Variants in GLB1 observed in about 807,000 individuals in gnomAD.
The protein encoded by GLB1 is beta-galactosidase.
Under a neutral mutation model 74.0 loss-of-function variants are expected in GLB1, and 56 were observed. That is an observed-to-expected ratio of 0.76 (90% confidence interval 0.61 to 0.94). The LOEUF is 0.94. Ranked by LOEUF, GLB1 falls within the 40% of genes least tolerant of loss-of-function variation. GLB1 has a pLI of 0.00. For synonymous variants in GLB1, 323 were observed against 323.6 expected (o/e 1.00, Z 0.02); for missense variants, 787 against 845.5 (o/e 0.93, Z 0.86).
At chr3:33,004,955 G>A (rs772068328) in intron 15 of GLB1, among the ~76,000 whole-genome samples, 3 of 152,186 alleles carry the variant, frequency 2.0e-5, no homozygotes, top group South Asian at 2.1e-4. Flanking sequence ...CCCCAAAAGT[G>A]TAAGAAGAGA....
At chr3:33,026,492 C>T (rs1310152960) in intron 10 of GLB1, among the ~76,000 whole-genome samples, 1 of 152,052 alleles carries the variant, frequency 6.6e-6, no homozygotes, top group African/African-American at 2.4e-5. Flanking sequence ...TAGACAGGCT[C>T]CTGGGTGGAA....
intron 5 of GLB1, among the ~76,000 whole-genome samples, chr3:33,060,963 CTA>C (rs2125536965): frequency 6.6e-6 from 1 of 151,824 alleles, no homozygotes; most frequent in South Asian, 2.1e-4. Context: ...TACTCAAGTT[CTA>C]TGTTACTACC....
chr3:33,084,917 T>G (rs1700448868), intron 1 of GLB1, among the ~76,000 whole-genome samples: 1 of 152,176 alleles, frequency 6.6e-6, no homozygotes, highest in South Asian at 2.1e-4. Flanking sequence ...GGTTCTATTA[T>G]ATATGTAGTA....
Position 33,093,695 on chromosome 3 carries a change from G to C in GLB1, c.75+3316C>G, listed in dbSNP as rs1290313884. ...GCACAGCAGTCACTCCCACTGCCAG[G>C]GCAGGCCTGAGCACGAGCTTCCTTG... On this transcript the variant is annotated intron_variant, in intron 1 of 15. Coordinates refer to ENST00000307363, the MANE Select transcript of GLB1 (RefSeq NM_000404.4). This position sits in a 1 kb window ranked among gnomAD's most constrained non-coding sequence, Gnocchi z 6.0. 1 of 1,614,162 alleles carries C rather than the reference G, an allele frequency of 6.2e-7. No individual in the cohort carries two copies. Among genetic ancestry groups the C allele is most frequent in the East Asian group, 2.2e-5 (1 of 44,882 alleles).
At chr3:33,008,276 G>C (rs1696865098) in intron 15 of GLB1, among the ~76,000 whole-genome samples, 3 of 152,192 alleles carry the variant, frequency 2.0e-5, no homozygotes, top group Admixed American at 1.3e-4. Flanking sequence ...AGAGCTCCTA[G>C]TTACCACTTT....
At chr3:32,965,237 A>G in the GLB1 span, among the ~76,000 whole-genome samples, 1 of 152,188 alleles carries the variant, frequency 6.6e-6, no homozygotes, top group Non-Finnish European at 1.5e-5. Flanking sequence ...GAGGGCTCAG[A>G]AGAAGACAGG....
chr3:33,016,825 G>T lies in GLB1; in HGVS notation c.1363C>A (p.Leu455Ile), dbSNP rs750591988. The change falls in exon 14 of 16, where the codon CTT becomes ATT. Residue 455 changes from leucine to isoleucine, a missense_variant. Physicochemically the swap from Leu to Ile is conservative, Grantham distance 5 (BLOSUM62 2). Coordinates refer to ENST00000307363, the MANE Select transcript of GLB1 (RefSeq NM_000404.4). ...AGAGTGATCACATTGTTTCGCTCAAGGACTCCCTGGGGGATCTGTGGGGTT... is the reference window on the plus strand; with the variant it reads ...AGAGTGATCACATTGTTTCGCTCAATGACTCCCTGGGGGATCTGTGGGGTT... ...VAVDGIPQGV[L>I]ERNNVITLNI... 4 of 1,613,964 alleles carry T rather than the reference G, an allele frequency of 2.5e-6. No individual in the cohort carries two copies. In the African/African-American group the frequency reaches 4.0e-5, roughly 16 times the overall value.
chr3:32,968,308 AG>A, the GLB1 span, among the ~76,000 whole-genome samples: 2 of 152,260 alleles, frequency 1.3e-5, no homozygotes, highest in East Asian at 3.9e-4. Context: ...GGACATTGGA[AG>A]GATAAATGTC....
the GLB1 span, among the ~76,000 whole-genome samples, chr3:32,962,743 A>T: frequency 6.6e-6 from 1 of 151,388 alleles, no homozygotes; most frequent in African/African-American, 2.4e-5. Context: ...AATATATATT[A>T]TCTATACATA....
intron 11 of GLB1, 138 bp from the exon 12 acceptor site, chr3:33,021,793 C>A (rs1697496915): frequency 1.0e-6 from 1 of 960,288 alleles, no homozygotes; most frequent in Non-Finnish European, 1.6e-6. Context: ...AAATTCCACT[C>A]AGTATTGCTT....
chr3:33,021,775 A>C, intron 11 of GLB1, 120 bp from the exon 12 acceptor site: 1 of 1,113,368 alleles, frequency 9.0e-7, no homozygotes, highest in Non-Finnish European at 1.3e-6. Flanking sequence ...AATAAACCTA[A>C]ATCATTCAAA....
intron 15 of GLB1, among the ~76,000 whole-genome samples, chr3:33,007,182 A>T (rs1272443353): frequency 6.6e-6 from 1 of 152,232 alleles, no homozygotes; most frequent in African/African-American, 2.4e-5. Context: ...CATTCAGTCC[A>T]AAGTCCACAA....
chr3:33,000,024 T>C (rs1696487452), intron 15 of GLB1, among the ~76,000 whole-genome samples: 1 of 151,520 alleles, frequency 6.6e-6, no homozygotes, highest in Non-Finnish European at 1.5e-5. Flanking sequence ...AGTGGCACCA[T>C]CACGACTCAC....
chr3:32,969,762 G>GA, the GLB1 span, among the ~76,000 whole-genome samples: 1 of 152,158 alleles, frequency 6.6e-6, no homozygotes, highest in Non-Finnish European at 1.5e-5. Context: ...AACTCACATG[G>GA]AAAAAACAGC....
intron 1 of GLB1, among the ~76,000 whole-genome samples, chr3:33,085,478 C>T (rs978424505): frequency 6.6e-6 from 1 of 151,892 alleles, no homozygotes; most frequent in Admixed American, 6.6e-5. Flanking sequence ...TACTAGTATA[C>T]ACTTATGATT....
intron 10 of GLB1, among the ~76,000 whole-genome samples, chr3:33,043,533 A>G (rs1698588879): frequency 6.6e-6 from 1 of 152,204 alleles, no homozygotes; most frequent in South Asian, 2.1e-4. Flanking sequence ...TCAATCTAAA[A>G]GAAAGCAATA....
At chr3:33,066,562 T>G (rs2125545183) in intron 4 of GLB1, among the ~76,000 whole-genome samples, 1 of 152,316 alleles carries the variant, frequency 6.6e-6, no homozygotes, top group African/African-American at 2.4e-5. Context: ...ATTACTCAGT[T>G]TCAGGTATTC....
chr3:33,047,293 C>T (rs79337446), intron 9 of GLB1, among the ~76,000 whole-genome samples: 8,621 of 152,292 alleles, frequency 0.057, 427 homozygotes, highest in East Asian at 0.24. Flanking sequence ...GGATCCCGAC[C>T]TTGTCAGGGA....
chr3:33,024,899 A>G (rs1697668885), intron 10 of GLB1, among the ~76,000 whole-genome samples: 1 of 152,230 alleles, frequency 6.6e-6, no homozygotes, highest in South Asian at 2.1e-4. Flanking sequence ...AAGCATGTAG[A>G]GTAAAATGTT....
Sources: allele counts gnomAD v4.1 joint callset (sites outside exome capture counted in the v4.1 genomes callset), GRCh38; gene constraint gnomAD v4.1.1; non-coding constraint Gnocchi (gnomAD v3.1); transcripts MANE v1.5; gene names NCBI Gene and HGNC (gene_info 2026-07-23, HGNC 2026-07-21).